The following MYO3B variants were observed in gnomAD, a reference collection of about 807,000 sequenced individuals.
MYO3B encodes myosin IIIB, also known as myosin-IIIb.
Under a neutral mutation model 174.6 loss-of-function variants are expected in MYO3B, and 156 were observed. That is an observed-to-expected ratio of 0.89 (90% confidence interval 0.78 to 1.02). The LOEUF (loss-of-function observed/expected upper bound fraction) is 1.02, where lower values mean the gene tolerates loss of function less well. Among genes scored for constraint, MYO3B ranks in the 50% least tolerant of loss-of-function variants. The probability of loss-of-function intolerance (pLI) is 0.00; values close to 1 mark genes in which losing one functional copy is unlikely to be tolerated. For missense variants in MYO3B, 1,632 were observed against 1,639.4 expected, an observed-to-expected ratio of 1.00 and a Z score of 0.08; for synonymous variants, 563 against 569.1, an observed-to-expected ratio of 0.99 and a Z score of 0.15.
chr2:170,419,585 C>CT (rs2094602428), intron 22 of MYO3B, among the ~76,000 whole-genome samples: 1 of 152,194 alleles, frequency 6.6e-6, no homozygotes, highest in African/African-American at 2.4e-5. Flanking sequence ...TAACAGATCA[C>CT]TAAGAGCTTG....
intron 23 of MYO3B, among the ~76,000 whole-genome samples, chr2:170,451,244 C>G (rs1440467845): frequency 6.6e-6 from 1 of 152,160 alleles, no homozygotes; most frequent in East Asian, 1.9e-4. Flanking sequence ...GGTGAAAAGC[C>G]TGATAAGTAA....
intron 32 of MYO3B, among the ~76,000 whole-genome samples, chr2:170,617,853 C>T (rs1293731142): frequency 2.0e-5 from 3 of 152,180 alleles, no homozygotes; most frequent in Admixed American, 6.5e-5. Flanking sequence ...TTAAATAACA[C>T]GGTTCCTTCT....
At chr2:170,304,960 C>G (rs1458078054) in intron 7 of MYO3B, among the ~76,000 whole-genome samples, 1 of 151,018 alleles carries the variant, frequency 6.6e-6, no homozygotes, top group African/African-American at 2.4e-5. Flanking sequence ...CAATTTTTCC[C>G]TTTATGGCTT....
chr2:170,619,245 G>A (rs1039387325), intron 32 of MYO3B, among the ~76,000 whole-genome samples: 1 of 152,094 alleles, frequency 6.6e-6, no homozygotes, highest in Non-Finnish European at 1.5e-5. Flanking sequence ...TTCTAGGATA[G>A]GAATCTTGGT....
chr2:170,199,206 A>G lies in MYO3B; in HGVS notation c.3-2A>G, dbSNP rs975736995. The stretch of plus-strand genomic sequence containing the variant: ...CACATAACAAATTTTTCCCCCAACC[A>G]GGAAACATCTGTATGGATTATTTCA... On this transcript the variant is annotated splice_acceptor_variant, in intron 1 of 34. Transcript: ENST00000408978. LOFTEE classifies it high-confidence loss of function. The G allele has an allele frequency of 1.3e-6, 2 of 1,585,992 alleles. No homozygotes were observed. The highest frequency in any genetic ancestry group is 1.7e-6 in the Non-Finnish European group (2 of 1,165,920).
At chr2:170,534,680 T>C (rs1368561110) in intron 30 of MYO3B, among the ~76,000 whole-genome samples, 1 of 152,208 alleles carries the variant, frequency 6.6e-6, no homozygotes, top group Admixed American at 6.5e-5. Flanking sequence ...GCTTAAGCAG[T>C]CCTCTCATCT....
intron 7 of MYO3B, among the ~76,000 whole-genome samples, chr2:170,326,597 G>A (rs759123312): frequency 2.0e-5 from 3 of 152,210 alleles, no homozygotes; most frequent in Non-Finnish European, 4.4e-5. Flanking sequence ...CATCTCTATT[G>A]ACATGGCACC....
chr2:170,579,592 G>T (rs1013791151), intron 32 of MYO3B, among the ~76,000 whole-genome samples: 4 of 152,172 alleles, frequency 2.6e-5, no homozygotes, highest in African/African-American at 9.7e-5. Flanking sequence ...TGAAGCAAAG[G>T]AATACTGGGC....
chr2:170,289,422 T>G (rs544822121), intron 7 of MYO3B, among the ~76,000 whole-genome samples: 1 of 152,234 alleles, frequency 6.6e-6, no homozygotes, highest in East Asian at 1.9e-4. Context: ...TTTCTATTTC[T>G]TCATGGTTCA....
intron 25 of MYO3B, among the ~76,000 whole-genome samples, chr2:170,469,488 T>A (rs977659470): frequency 6.6e-6 from 1 of 152,138 alleles, no homozygotes; most frequent in Admixed American, 6.5e-5. Flanking sequence ...ATGAAACTCT[T>A]CCCTCTTCTC....
At chr2:170,528,849 T>C (rs1689162500) in intron 30 of MYO3B, among the ~76,000 whole-genome samples, 1 of 152,190 alleles carries the variant, frequency 6.6e-6, no homozygotes, top group African/African-American at 2.4e-5. Context: ...TGATCACCTG[T>C]GGACATGAAC....
intron 28 of MYO3B, among the ~76,000 whole-genome samples, chr2:170,514,199 A>G (rs1033780547): frequency 6.6e-6 from 1 of 152,234 alleles, no homozygotes; most frequent in African/African-American, 2.4e-5. Context: ...GAGGTAAAAG[A>G]TGTTGGAACA....
intron 3 of MYO3B, among the ~76,000 whole-genome samples, chr2:170,203,896 C>T (rs554196147): frequency 1.3e-5 from 2 of 152,296 alleles, no homozygotes; most frequent in South Asian, 2.1e-4. Context: ...AACAGCATTA[C>T]ATCCCACAAA....
chr2:170,342,173 T>A (rs1445157001), intron 8 of MYO3B: 1 of 152,236 alleles, frequency 6.6e-6, no homozygotes, highest in Non-Finnish European at 1.5e-5. Context: ...ACCAGATCTG[T>A]GGCATATGTC....
chr2:170,458,259 G>A (rs1161317113), intron 23 of MYO3B, among the ~76,000 whole-genome samples: 2 of 152,130 alleles, frequency 1.3e-5, no homozygotes, highest in Non-Finnish European at 2.9e-5. Flanking sequence ...TAGGCAATGG[G>A]ATTTTTTCAG....
At chr2:170,500,426 A>C (rs1047627274) in intron 27 of MYO3B, among the ~76,000 whole-genome samples, 2 of 152,104 alleles carry the variant, frequency 1.3e-5, no homozygotes, top group Non-Finnish European at 2.9e-5. Flanking sequence ...GGTTGAGGAG[A>C]TATCTGGGGA....
chr2:170,490,028 C>CTTTT (rs751661221), intron 25 of MYO3B, among the ~76,000 whole-genome samples: 6 of 145,946 alleles, frequency 4.1e-5, no homozygotes, highest in African/African-American at 1.6e-4. Flanking sequence ...AGTTTCTTTT[C>CTTTT]TTTCTTTTTT....
At chr2:170,409,608 T>G (rs2094533043) in intron 22 of MYO3B, among the ~76,000 whole-genome samples, 1 of 152,256 alleles carries the variant, frequency 6.6e-6, no homozygotes, top group African/African-American at 2.4e-5. Context: ...TTGTGTTTTC[T>G]TTTTCTGGAA....
At chr2:170,324,140 ACT>A (rs2093848507) in intron 7 of MYO3B, among the ~76,000 whole-genome samples, 1 of 151,704 alleles carries the variant, frequency 6.6e-6, no homozygotes, top group South Asian at 2.1e-4. Flanking sequence ...ATGCCACCTG[ACT>A]CTTCACTTTT....
Sources: allele counts gnomAD v4.1 joint callset (sites outside exome capture counted in the v4.1 genomes callset), GRCh38; gene constraint gnomAD v4.1.1; transcripts MANE v1.5; gene names NCBI Gene and HGNC (gene_info 2026-07-23, HGNC 2026-07-21).